Variants in LRMDA observed in about 807,000 individuals in gnomAD.
LRMDA encodes leucine-rich melanocyte differentiation-associated protein.
LRMDA carries 18 observed loss-of-function variants against 29.8 expected under a neutral mutation model. The ratio of observed to expected loss-of-function variants is 0.60; its 90% confidence interval spans 0.42 to 0.90. LRMDA has a LOEUF of 0.90. Ranked by LOEUF, LRMDA falls within the 40% of genes least tolerant of loss-of-function variation. The pLI is 0.00. For missense variants in LRMDA, 273 were observed against 273.9 expected, an observed-to-expected ratio of 1.00 and a Z score of 0.02; for synonymous variants, 125 against 109.4, an observed-to-expected ratio of 1.14 and a Z score of -0.89.
chr10:76,044,717 C>A lies in LRMDA; in HGVS notation c.259-2447C>A, dbSNP rs534645671. On this transcript the variant is annotated intron_variant, in intron 3 of 6. Transcript: ENST00000611255. ...GTCTCTATATGAACTCCCATTCTCA[C>A]CTCCTCATTCTAGTGTTCCTGTATG... Among the ~76,000 whole-genome samples, 3 of 152,244 alleles carry A rather than the reference C, an allele frequency of 2.0e-5. No individual in the cohort carries two copies. The South Asian group carries it at 6.2e-4, about 32-fold the overall frequency.
intron 5 of LRMDA, among the ~76,000 whole-genome samples, chr10:76,102,568 T>C (rs1849410395): frequency 6.6e-6 from 1 of 152,212 alleles, no homozygotes; most frequent in African/African-American, 2.4e-5. Context: ...CATAATCTCA[T>C]TTGTTTTAAT....
chr10:76,124,536 G>A (rs1454831085), intron 5 of LRMDA, among the ~76,000 whole-genome samples: 1 of 152,230 alleles, frequency 6.6e-6, no homozygotes, highest in Non-Finnish European at 1.5e-5. Context: ...AAATCAAAAT[G>A]CCTCTGGCAA....
intron 6 of LRMDA, among the ~76,000 whole-genome samples, chr10:76,469,579 G>A (rs1364096278): frequency 6.6e-6 from 1 of 152,028 alleles, no homozygotes; most frequent in Non-Finnish European, 1.5e-5. Flanking sequence ...AATACATAGA[G>A]CTCTGAAGCT....
chr10:76,430,765 A>G (rs1380272532), intron 6 of LRMDA, among the ~76,000 whole-genome samples: 1 of 152,218 alleles, frequency 6.6e-6, no homozygotes, highest in Non-Finnish European at 1.5e-5. Flanking sequence ...AGGGTGGTCC[A>G]AGGGTGGCAG....
At chr10:76,161,888 G>A (rs756313752) in intron 5 of LRMDA, among the ~76,000 whole-genome samples, 2 of 152,158 alleles carry the variant, frequency 1.3e-5, no homozygotes, top group Non-Finnish European at 2.9e-5. Context: ...GATTCTGCTC[G>A]CTCTGTTTTT....
chr10:75,669,997 T>G (rs1158047302), intron 2 of LRMDA, among the ~76,000 whole-genome samples: 1 of 152,204 alleles, frequency 6.6e-6, no homozygotes, highest in African/African-American at 2.4e-5. Flanking sequence ...ACATTCATTA[T>G]TTTTAAAAAT....
At position 76,387,869 on chromosome 10, in the gene LRMDA, A is replaced by G. The variant is rs1841678957; in HGVS notation, c.601+63384A>G. Among the ~76,000 whole-genome samples the G allele has an allele frequency of 2.0e-5, 3 of 152,196 alleles. 1 individual carries two copies. In the South Asian group the frequency reaches 6.2e-4, roughly 32 times the overall value. ...ATGGACCCACACAAGACTTTGAAGA[A>G]GTTCACTGAAATATCAGCAGTGGTT... is the stretch of plus-strand genomic sequence containing the variant. On this transcript the variant is annotated intron_variant, in intron 6 of 6. Coordinates refer to ENST00000611255, the MANE Select transcript of LRMDA (RefSeq NM_001305581.2).
chr10:75,650,964 G>A (rs1002930925), intron 2 of LRMDA, among the ~76,000 whole-genome samples: 1 of 152,100 alleles, frequency 6.6e-6, no homozygotes, highest in Non-Finnish European at 1.5e-5. Context: ...TCAGGTCAGG[G>A]AAGCCTCTTT....
At chr10:75,609,249 C>T (rs527882290) in intron 2 of LRMDA, among the ~76,000 whole-genome samples, 32 of 152,062 alleles carry the variant, frequency 2.1e-4, no homozygotes, top group Non-Finnish European at 4.0e-4. Flanking sequence ...GCTTTGAGGC[C>T]GCTGCTTGGA....
chr10:75,458,908 T>C (rs1844552257), intron 2 of LRMDA, among the ~76,000 whole-genome samples: 1 of 152,194 alleles, frequency 6.6e-6, no homozygotes, highest in African/African-American at 2.4e-5. Flanking sequence ...TCCCATCTGA[T>C]TTTTTTGTCT....
At chr10:76,220,693 C>A (rs1851815374) in intron 5 of LRMDA, among the ~76,000 whole-genome samples, 1 of 152,076 alleles carries the variant, frequency 6.6e-6, no homozygotes, top group South Asian at 2.1e-4. Context: ...ACCAGAGGTA[C>A]AAGGAGGAAC....
chr10:75,605,651 A>G (rs1231681184), intron 2 of LRMDA, among the ~76,000 whole-genome samples: 1 of 152,216 alleles, frequency 6.6e-6, no homozygotes, highest in Non-Finnish European at 1.5e-5. Context: ...AGTGATTGGA[A>G]TGAAAATAAT....
At chr10:75,722,282 C>T (rs1842578256) in intron 2 of LRMDA, among the ~76,000 whole-genome samples, 1 of 151,954 alleles carries the variant, frequency 6.6e-6, no homozygotes, top group Non-Finnish European at 1.5e-5. Context: ...GCCTCAAACC[C>T]CTCACTTGGA....
intron 2 of LRMDA, among the ~76,000 whole-genome samples, chr10:75,644,237 C>T (rs928298721): frequency 6.6e-6 from 1 of 152,094 alleles, no homozygotes; most frequent in African/African-American, 2.4e-5. Context: ...GCAGTGGCAC[C>T]GTTCTGATAC....
chr10:76,268,972 C>T (rs1840036597), intron 5 of LRMDA, among the ~76,000 whole-genome samples: 1 of 151,954 alleles, frequency 6.6e-6, no homozygotes. Flanking sequence ...GCAGAAGGGC[C>T]CTGGATTTAC....
At chr10:75,695,706 A>G (rs2038099469) in intron 2 of LRMDA, among the ~76,000 whole-genome samples, 1 of 152,168 alleles carries the variant, frequency 6.6e-6, no homozygotes, top group Non-Finnish European at 1.5e-5. Flanking sequence ...GTAATATTAC[A>G]TTACCCATAA....
At chr10:76,137,067 C>A (rs1422776470) in intron 5 of LRMDA, among the ~76,000 whole-genome samples, 1 of 152,220 alleles carries the variant, frequency 6.6e-6, no homozygotes, top group African/African-American at 2.4e-5. Flanking sequence ...TTTGTTTATG[C>A]TGTTGCCTCC....
intron 2 of LRMDA, among the ~76,000 whole-genome samples, chr10:75,889,368 A>C (rs1290115734): frequency 6.6e-6 from 1 of 152,164 alleles, no homozygotes; most frequent in East Asian, 1.9e-4. Context: ...CTTTCCCTTC[A>C]GCTATTGTCT....
At chr10:76,177,298 G>A (rs776005800) in intron 5 of LRMDA, among the ~76,000 whole-genome samples, 15 of 152,030 alleles carry the variant, frequency 9.9e-5, no homozygotes, top group Non-Finnish European at 2.2e-4. Context: ...TTCAGCAGAG[G>A]CTTTAACTTT....
Sources: gnomAD v4.1 joint callset for allele counts (sites outside exome capture counted in the v4.1 genomes callset) on GRCh38, gnomAD v4.1.1 for gene constraint, MANE v1.5 for transcripts, NCBI Gene and HGNC (gene_info 2026-07-23, HGNC 2026-07-21) for gene names.